Variants in PAX5 observed in about 807,000 individuals in gnomAD.
PAX5 encodes the protein paired box 5.
In PAX5, 9 loss-of-function variants were observed where a neutral mutation model predicts 43.7. The ratio of observed to expected loss-of-function variants is 0.21; its 90% CI spans 0.12 to 0.36. The LOEUF (loss-of-function observed/expected upper bound fraction) is 0.36, where lower values mean the gene tolerates loss of function less well. PAX5 is among the 10% of genes least tolerant of loss of function. The pLI is 1.00. For synonymous variants in PAX5, 228 were observed against 214.3 expected (o/e 1.06, Z -0.56); for missense variants, 383 against 532.7 (o/e 0.72, Z 2.77).
At chr9:36,926,655 G>A (rs1435988582) in intron 6 of PAX5, among the ~76,000 whole-genome samples, 2 of 152,248 alleles carry the variant, frequency 1.3e-5, no homozygotes, top group African/African-American at 4.8e-5. Flanking sequence ...CCTCTGACAA[G>A]GGTCTTTTCC....
intron 7 of PAX5, among the ~76,000 whole-genome samples, chr9:36,901,047 G>T (rs3758161): frequency 0.18 from 27,441 of 151,866 alleles, 2,579 homozygotes; most frequent in African/African-American, 0.22. Context: ...GTCCTCATCC[G>T]TTCTCTCCTG....
Position 36,923,410 on chromosome 9 carries a change from G to T in PAX5, c.855C>A (p.Thr285=), listed in dbSNP as rs764129233. The change falls in exon 7 of 10, where the codon ACC becomes ACA. Residue 285 remains threonine, a synonymous_variant. Coordinates refer to ENST00000358127, the MANE Select transcript of PAX5 (RefSeq NM_016734.3). ...DDMKANLASP[T]PADIGSSVPG... Reference sequence around the variant, plus strand: ...GCACACTGCTCCCGATGTCAGCAGGGGTGGGGCTGGCCAGATTGGCCTTCA... The same window carrying T: ...GCACACTGCTCCCGATGTCAGCAGGTGTGGGGCTGGCCAGATTGGCCTTCA... The T allele has an allele frequency of 1.9e-6, 3 of 1,613,294 alleles. No individual in the cohort carries two copies. In the South Asian group the frequency reaches 3.3e-5, roughly 18 times the overall value.
intron 1 of PAX5, among the ~76,000 whole-genome samples, chr9:37,022,021 T>G (rs1456080716): frequency 6.6e-6 from 1 of 152,128 alleles, no homozygotes; most frequent in Non-Finnish European, 1.5e-5. Flanking sequence ...TCCCCAGTAC[T>G]AAACTACAAC....
At chr9:36,871,501 G>T (rs1480627977) in intron 8 of PAX5, among the ~76,000 whole-genome samples, 1 of 152,128 alleles carries the variant, frequency 6.6e-6, no homozygotes, top group Non-Finnish European at 1.5e-5. Flanking sequence ...GCCACCCAAC[G>T]CTTAGCCCTT....
chr9:36,961,647 T>C (rs561688747), intron 6 of PAX5, among the ~76,000 whole-genome samples: 1 of 152,310 alleles, frequency 6.6e-6, no homozygotes, highest in African/African-American at 2.4e-5. Context: ...AATAGCCTGG[T>C]GTTGGTTAAT....
intron 2 of PAX5, among the ~76,000 whole-genome samples, chr9:37,019,063 A>G (rs1396250168): frequency 6.6e-6 from 1 of 152,176 alleles, no homozygotes; most frequent in Admixed American, 6.5e-5. Context: ...AGGCTCCACA[A>G]AAAGATATCT....
At chr9:36,968,427 A>G (rs1834634434) in intron 5 of PAX5, among the ~76,000 whole-genome samples, 2 of 152,308 alleles carry the variant, frequency 1.3e-5, no homozygotes, top group Admixed American at 6.5e-5. Flanking sequence ...GAACAAAGAT[A>G]GCAGCTTTGA....
intron 6 of PAX5, among the ~76,000 whole-genome samples, chr9:36,960,227 G>C (rs2132155719): frequency 6.6e-6 from 1 of 152,318 alleles, no homozygotes; most frequent in South Asian, 2.1e-4. Flanking sequence ...GCAGCTTAGA[G>C]AGTGAGCCAC....
chr9:37,024,505 C>A (rs1314165948), intron 1 of PAX5, among the ~76,000 whole-genome samples: 1 of 152,166 alleles, frequency 6.6e-6, no homozygotes, highest in African/African-American at 2.4e-5. Flanking sequence ...ACCCCCCACT[C>A]CCCATTGCTA....
chr9:36,839,500 A>C lies in PAX5; in HGVS notation c.*1060T>G, dbSNP rs1256635391. The C allele has an allele frequency of 4.3e-6, 1 of 233,282 alleles. No homozygotes were observed. Among genetic ancestry groups the C allele is most frequent in the Non-Finnish European group, 8.5e-6 (1 of 118,142 alleles). 14.5% of individuals were successfully genotyped at this position (233,282 alleles called of 1,614,324 possible). A position where few individuals can be genotyped will look rare whatever the true frequency, so the allele number is the denominator to read the frequency against. On this transcript the variant is annotated 3_prime_UTR_variant, in exon 10 of 10. Transcript: ENST00000358127. ...GTGTGGGGGAAAGTCCTCTGTGTTA[A>C]TTATTGTCTACATCACCGGAACAGG...
At position 36,840,042 on chromosome 9, in the gene PAX5, C is replaced by T; in HGVS notation, c.*518G>A. On this transcript the variant is annotated 3_prime_UTR_variant, in exon 10 of 10. Coordinates refer to ENST00000358127, the MANE Select transcript of PAX5 (RefSeq NM_016734.3). ...GCTCTGAGCGCACCTGCCAGGGTCACCCAGGGCAGAGAGGATGCTCTGCCA... is the reference window on the plus strand; with the variant it reads ...GCTCTGAGCGCACCTGCCAGGGTCATCCAGGGCAGAGAGGATGCTCTGCCA... 3.9e-6 allele frequency: 1 copy of T among 256,074 alleles called. No homozygotes were observed. Among genetic ancestry groups the T allele is most frequent in the Non-Finnish European group, 7.6e-6 (1 of 131,478 alleles). 15.9% of individuals were successfully genotyped at this position (256,074 alleles called of 1,614,324 possible).
At position 36,900,218 on chromosome 9, in the gene PAX5, T is replaced by C. The variant is rs868202104; in HGVS notation, c.911-18113A>G. ...GTGAGGGTGCAGGCATATTTTTGGGTCCCCCAAGTAGACACGTGCGTGTGA... is the reference window on the plus strand; with the variant it reads ...GTGAGGGTGCAGGCATATTTTTGGGCCCCCCAAGTAGACACGTGCGTGTGA... On this transcript the variant is annotated intron_variant, in intron 7 of 9. Transcript: ENST00000358127. Among the ~76,000 whole-genome samples the C allele has an allele frequency of 5.3e-5, 8 of 152,254 alleles. No homozygotes were observed. The Middle Eastern group carries it at 0.01, about 194-fold the overall frequency.
intron 8 of PAX5, among the ~76,000 whole-genome samples, chr9:36,853,123 C>A (rs757200608): frequency 3.3e-5 from 5 of 152,180 alleles, no homozygotes; most frequent in Non-Finnish European, 5.9e-5. Flanking sequence ...CTTTCTTTCA[C>A]CTTAATGTGT....
rs539622363 is a variant in PAX5, at chr9:37,026,811, C to G, written c.47-6010G>C. The G allele has an allele frequency of 9.7e-4, 733 of 758,032 alleles. 2 individuals carry two copies. The highest frequency in any genetic ancestry group is 1.1e-3 in the Non-Finnish European group (687 of 622,232). The allele number at this position is 758,032 out of a possible 1,614,324, so 47.0% of individuals were successfully genotyped here. A position where few individuals can be genotyped will look rare whatever the true frequency, so the allele number is the denominator to read the frequency against. On this transcript the variant is annotated intron_variant, in intron 1 of 9. Coordinates refer to ENST00000358127, the MANE Select transcript of PAX5 (RefSeq NM_016734.3). ...CGGGCTAGGAGCGGGTGCCCAACTCCGGCTGGCTTCCCTCCCTGGCTGGCT... is the reference window on the plus strand; with the variant it reads ...CGGGCTAGGAGCGGGTGCCCAACTCGGGCTGGCTTCCCTCCCTGGCTGGCT...
intron 6 of PAX5, among the ~76,000 whole-genome samples, chr9:36,948,066 G>A (rs1832698964): frequency 6.6e-6 from 1 of 152,190 alleles, no homozygotes; most frequent in South Asian, 2.1e-4. Flanking sequence ...AGACACACGG[G>A]AGCCTCACAC....
chr9:36,891,399 C>T (rs773654281), intron 7 of PAX5, among the ~76,000 whole-genome samples: 12 of 152,218 alleles, frequency 7.9e-5, no homozygotes, highest in Admixed American at 1.3e-4. Context: ...ACGCACACGT[C>T]GGTGCGTGTG....
chr9:37,015,247 T>C lies in PAX5; in HGVS notation c.213-53A>G. The C allele has an allele frequency of 6.6e-7, 1 of 1,512,110 alleles. No individual in the cohort carries two copies. The highest frequency in any genetic ancestry group is 9.2e-7 in the Non-Finnish European group (1 of 1,088,866). 93.7% of individuals were successfully genotyped at this position (1,512,110 alleles called of 1,614,324 possible). The stretch of plus-strand genomic sequence containing the variant: ...CCATGAGGAACCAGTAAAGTGGATA[T>C]TGGCAACAAAATAACGGGCTACTCT... On this transcript the variant is annotated intron_variant, in intron 2 of 9. Transcript: ENST00000358127. The surrounding 1 kb of genome is among the most constrained non-coding windows in gnomAD (Gnocchi z 4.4).
chr9:36,958,019 A>G (rs10814484), intron 6 of PAX5, among the ~76,000 whole-genome samples: 28,744 of 152,088 alleles, frequency 0.19, 3,031 homozygotes, highest in African/African-American at 0.25. Flanking sequence ...CAGAGCATCA[A>G]GTTGGAAAAT....
At chr9:37,031,756 G>C (rs1841012059) in intron 1 of PAX5, among the ~76,000 whole-genome samples, 1 of 152,154 alleles carries the variant, frequency 6.6e-6, no homozygotes, top group African/African-American at 2.4e-5. Context: ...GTGGCTCCCT[G>C]CTTAGTGTTG....
Sources: gnomAD v4.1 joint callset for allele counts (sites outside exome capture counted in the v4.1 genomes callset) on GRCh38, gnomAD v4.1.1 for gene constraint, Gnocchi (gnomAD v3.1) non-coding constraint, MANE v1.5 for transcripts, NCBI Gene and HGNC (gene_info 2026-07-23, HGNC 2026-07-21) for gene names.